Variants in KAZN observed in about 807,000 individuals in gnomAD.
KAZN encodes the protein kazrin, periplakin interacting protein.
In KAZN, 40 loss-of-function variants were observed where a neutral mutation model predicts 87.4. That is an observed-to-expected ratio of 0.46 (90% CI 0.36 to 0.60). KAZN has a LOEUF of 0.60. Among genes scored for constraint, KAZN ranks in the 20% least tolerant of loss-of-function variants. The pLI is 0.00. For synonymous variants in KAZN, 466 were observed against 458.3 expected, an observed-to-expected ratio of 1.02 and a Z score of -0.22; for missense variants, 898 against 1,073.9, an observed-to-expected ratio of 0.84 and a Z score of 2.29.
chr1:14,150,011 C>G (rs2101796625), intron 1 of KAZN, among the ~76,000 whole-genome samples: 1 of 152,298 alleles, frequency 6.6e-6, no homozygotes, highest in East Asian at 1.9e-4. Flanking sequence ...CATAACGCAA[C>G]AGCAGGGAAT....
intron 1 of KAZN, among the ~76,000 whole-genome samples, chr1:14,106,378 A>G (rs1392480998): frequency 1.3e-5 from 2 of 152,196 alleles, no homozygotes; most frequent in Admixed American, 6.5e-5. Flanking sequence ...TTTAGAACAA[A>G]TATCTCCGGG....
At chr1:14,123,991 AGCCCTCCCCATTCATTCC>A (rs1181487938) in intron 1 of KAZN, among the ~76,000 whole-genome samples, 4 of 152,174 alleles carry the variant, frequency 2.6e-5, no homozygotes, top group Admixed American at 6.5e-5. Flanking sequence ...TCCCAATAGG[AGCCCTCCCCATTCATTCC>A]GACCCAGGTA....
intron 1 of KAZN, among the ~76,000 whole-genome samples, chr1:14,633,083 A>G (rs1441115717): frequency 1.3e-5 from 2 of 151,872 alleles, no homozygotes; most frequent in African/African-American, 2.4e-5. Flanking sequence ...TGCCTGGCCA[A>G]TTTTTGTATT....
At chr1:15,107,873 C>G (rs915391056) in intron 13 of KAZN, among the ~76,000 whole-genome samples, 1 of 152,080 alleles carries the variant, frequency 6.6e-6, no homozygotes, top group Non-Finnish European at 1.5e-5. Context: ...TGACTCATAC[C>G]GACCTTGTAG....
At chr1:15,071,313 G>A (rs1271361977) in intron 8 of KAZN, among the ~76,000 whole-genome samples, 3 of 151,774 alleles carry the variant, frequency 2.0e-5, no homozygotes, top group Admixed American at 6.6e-5. Flanking sequence ...GTGCAGTGGC[G>A]CGATCTCGGC....
At chr1:14,865,314 T>C (rs1417256973) in intron 1 of KAZN, among the ~76,000 whole-genome samples, 1 of 152,196 alleles carries the variant, frequency 6.6e-6, no homozygotes, top group East Asian at 1.9e-4. Flanking sequence ...AGATGATAAT[T>C]AGAATTGCTT....
At chr1:14,226,538 A>AC (rs1233903505) in intron 2 of KAZN, among the ~76,000 whole-genome samples, 1 of 152,142 alleles carries the variant, frequency 6.6e-6, no homozygotes, top group Non-Finnish European at 1.5e-5. Context: ...CAACCCAACA[A>AC]CCCTATTACT....
At chr1:13,909,788 T>C (rs1394597211) in intron 1 of KAZN, among the ~76,000 whole-genome samples, 1 of 152,176 alleles carries the variant, frequency 6.6e-6, no homozygotes, top group Non-Finnish European at 1.5e-5. Context: ...TTGGTCTGAG[T>C]TGAACCCTGA....
At chr1:14,694,592 A>AGGAGGAAGGGGCATTGGCC (rs1641497028) in intron 1 of KAZN, among the ~76,000 whole-genome samples, 1 of 152,198 alleles carries the variant, frequency 6.6e-6, no homozygotes, top group Non-Finnish European at 1.5e-5. Flanking sequence ...ATGACCATCT[A>AGGAGGAAGGGGCATTGGCC]GGAGGAAGGG....
chr1:14,267,201 T>G (rs1651549209), intron 2 of KAZN, among the ~76,000 whole-genome samples: 1 of 151,988 alleles, frequency 6.6e-6, no homozygotes, highest in Non-Finnish European at 1.5e-5. Context: ...AAATACAGTG[T>G]AACAACTATT....
chr1:14,315,660 T>C (rs897871644), intron 2 of KAZN, among the ~76,000 whole-genome samples: 2 of 152,210 alleles, frequency 1.3e-5, no homozygotes, highest in Middle Eastern at 3.4e-3. Context: ...TAGTATGTCC[T>C]CTTTTGTGTT....
chr1:14,324,531 C>T (rs1222330380), intron 2 of KAZN, among the ~76,000 whole-genome samples: 3 of 152,182 alleles, frequency 2.0e-5, no homozygotes, highest in Non-Finnish European at 2.9e-5. Context: ...GTTACCTTGG[C>T]TTTCAAAGCC....
chr1:14,011,890 G>A (rs1353060213), intron 1 of KAZN, among the ~76,000 whole-genome samples: 1 of 152,180 alleles, frequency 6.6e-6, no homozygotes, highest in Non-Finnish European at 1.5e-5. Context: ...CGATTACCTT[G>A]AATCACATCT....
rs567083155 is a variant in KAZN at position 13,907,434 on chromosome 1, C to T, written c.91+13678C>T. ...AAGACCCCAGCCCCGGGGTATGGGC[C>T]CAGGCCTGGCAGAATGAGTGACAGG... On this transcript the variant is annotated intron_variant, in intron 1 of 16. Coordinates refer to the KAZN transcript ENST00000636203. Among the ~76,000 whole-genome samples, 126 of 152,070 alleles carry T rather than the reference C, an allele frequency of 8.3e-4. 1 individual carries two copies. The highest frequency in any genetic ancestry group is 3.0e-3 in the African/African-American group (125 of 41,476).
intron 1 of KAZN, among the ~76,000 whole-genome samples, chr1:14,018,608 A>G (rs1214440599): frequency 6.6e-6 from 1 of 152,048 alleles, no homozygotes; most frequent in Non-Finnish European, 1.5e-5. Context: ...GAGTTGGTGG[A>G]CTGGGTGGGG....
intron 1 of KAZN, among the ~76,000 whole-genome samples, chr1:14,172,345 AAGTGG>A (rs1297786221): frequency 2.0e-5 from 3 of 152,358 alleles, no homozygotes; most frequent in Non-Finnish European, 4.4e-5. Context: ...GGAGGGGATG[AAGTGG>A]AGTGGAGTTG....
chr1:14,858,571 C>T (rs1399577106), intron 1 of KAZN, among the ~76,000 whole-genome samples: 2 of 152,168 alleles, frequency 1.3e-5, no homozygotes, highest in African/African-American at 4.8e-5. Context: ...TCGTTTCCAC[C>T]TTTTGGCTGT....
At chr1:14,514,484 A>AAAT (rs1257894755) in intron 2 of KAZN, among the ~76,000 whole-genome samples, 3 of 80,166 alleles carry the variant, frequency 3.7e-5, no homozygotes, top group East Asian at 3.5e-4. Flanking sequence ...ATTTTATATA[A>AAAT]ATATTTATAT....
chr1:14,208,405 CTCAT>C (rs1183412507), intron 2 of KAZN, among the ~76,000 whole-genome samples: 3 of 152,184 alleles, frequency 2.0e-5, no homozygotes, highest in Non-Finnish European at 2.9e-5. Flanking sequence ...CATTCATTGA[CTCAT>C]TCATTCACTC....
Sources: gnomAD v4.1 joint callset for allele counts (sites outside exome capture counted in the v4.1 genomes callset) on GRCh38, gnomAD v4.1.1 for gene constraint, MANE v1.5 for transcripts, NCBI Gene and HGNC (gene_info 2026-07-23, HGNC 2026-07-21) for gene names.